Variants in OPHN1 observed in about 807,000 individuals in gnomAD.
OPHN1 encodes oligophrenin 1.
In OPHN1, 11 loss-of-function variants were observed where a neutral mutation model predicts 60.7. That is an observed-to-expected ratio of 0.18 (90% CI 0.11 to 0.30). OPHN1 has a LOEUF of 0.30. OPHN1 is among the 10% of genes least tolerant of loss of function. The probability of loss-of-function intolerance (pLI) is 1.00; values close to 1 mark genes in which losing one functional copy is unlikely to be tolerated. For missense variants in OPHN1, 449 were observed against 611.0 expected, an observed-to-expected ratio of 0.73 and a Z score of 2.80; for synonymous variants, 226 against 222.6, an observed-to-expected ratio of 1.02 and a Z score of -0.14.
At chrX:68,403,173 A>G (rs1180926390) in intron 2 of OPHN1, among the ~76,000 whole-genome samples, 1 of 112,413 alleles carries the variant, frequency 8.9e-6, no homozygotes, top group African/African-American at 3.2e-5. Context: ...GAAAAGCAGC[A>G]CAGCTGCCAA....
At position 68,394,073 on chromosome X, in the gene OPHN1, TTTTAGTAGAGACGGGG is replaced by T. The variant is rs1481586161; in HGVS notation, c.154+38778_154+38793del. 9.4e-5 allele frequency among the ~76,000 whole-genome samples: 10 copies of T among 106,657 alleles called. No homozygotes were observed. In the East Asian group the frequency reaches 3.0e-3, roughly 32 times the overall value. The allele number at this position is 106,657 out of a possible 115,157, so 92.6% of individuals were successfully genotyped here. A position where few individuals can be genotyped will look rare whatever the true frequency, so the allele number is the denominator to read the frequency against. On this transcript the variant is annotated intron_variant, in intron 2 of 24. Transcript: ENST00000355520. ...ACCACGCCCGGCTAATTTTTTGTAT[TTTTAGTAGAGACGGGG>T]TTTCACCGTGTTCGCCAGGATGGTC...
intron 15 of OPHN1, among the ~76,000 whole-genome samples, chrX:68,182,584 A>G (rs764775442): frequency 9.0e-6 from 1 of 111,644 alleles, no homozygotes; most frequent in South Asian, 3.8e-4. Flanking sequence ...GAATGGGCCT[A>G]GGGAACTCCA....
At chrX:68,163,646 C>T (rs757027035) in intron 15 of OPHN1, among the ~76,000 whole-genome samples, 24 of 111,128 alleles carry the variant, frequency 2.2e-4, no homozygotes, top group East Asian at 2.8e-4. Flanking sequence ...TTTTTAATTT[C>T]TTTAGAAATG....
At chrX:68,069,313 C>T (rs2076924498) in intron 20 of OPHN1, among the ~76,000 whole-genome samples, 1 of 111,160 alleles carries the variant, frequency 9.0e-6, no homozygotes, top group South Asian at 3.8e-4. Flanking sequence ...TGTGCCCATG[C>T]TTTGGATATA....
intron 19 of OPHN1, among the ~76,000 whole-genome samples, chrX:68,088,327 G>A (rs2077003089): frequency 9.0e-6 from 1 of 111,398 alleles, no homozygotes; most frequent in Non-Finnish European, 1.9e-5. Context: ...GTTGTCTTGG[G>A]AAGAAAATAT....
intron 18 of OPHN1, among the ~76,000 whole-genome samples, chrX:68,104,402 T>TGACA (rs1249513074): frequency 1.8e-5 from 2 of 111,775 alleles, no homozygotes; most frequent in Admixed American, 1.9e-4. Context: ...TCATGCTACC[T>TGACA]GACATCAAAC....
chrX:68,278,818 G>A (rs1315195836), intron 4 of OPHN1, among the ~76,000 whole-genome samples: 3 of 111,571 alleles, frequency 2.7e-5, no homozygotes, highest in Admixed American at 9.5e-5. Context: ...CCCAGGAGGC[G>A]GAGGCTGCAG....
intron 19 of OPHN1, among the ~76,000 whole-genome samples, chrX:68,085,825 C>T (rs2076992966): frequency 1.8e-5 from 2 of 111,850 alleles, no homozygotes; most frequent in Admixed American, 1.9e-4. Context: ...CTTGTGTATC[C>T]ATGAAAGGAC....
intron 15 of OPHN1, among the ~76,000 whole-genome samples, chrX:68,174,271 T>G (rs970554686): frequency 9.0e-6 from 1 of 110,689 alleles, no homozygotes; most frequent in Non-Finnish European, 1.9e-5. Flanking sequence ...CAAGAAAAAT[T>G]TAAATGAGAG....
intron 5 of OPHN1, among the ~76,000 whole-genome samples, chrX:68,270,715 GT>G (rs1426964899): frequency 9.2e-6 from 1 of 109,171 alleles, no homozygotes; most frequent in African/African-American, 3.4e-5. Flanking sequence ...TTGTGCACAT[GT>G]ACCCTAGAAC....
chrX:68,227,478 T>G (rs2077701521), intron 6 of OPHN1, among the ~76,000 whole-genome samples: 1 of 111,078 alleles, frequency 9.0e-6, no homozygotes, highest in Non-Finnish European at 1.9e-5. Flanking sequence ...CACATCGCAC[T>G]TATTAAAAAT....
chrX:68,079,676 A>T (rs1256486340), intron 19 of OPHN1, among the ~76,000 whole-genome samples: 1 of 111,543 alleles, frequency 9.0e-6, no homozygotes, highest in African/African-American at 3.3e-5. Flanking sequence ...AAGTTTCTCT[A>T]CTGGTTTCTA....
At chrX:68,250,636 C>T (rs1381702026) in intron 5 of OPHN1, among the ~76,000 whole-genome samples, 2 of 111,548 alleles carry the variant, frequency 1.8e-5, no homozygotes, top group Non-Finnish European at 3.8e-5. Context: ...GCTGTTGTTC[C>T]TTGTTCGTGT....
chrX:68,348,946 G>A (rs1025321843), intron 2 of OPHN1, among the ~76,000 whole-genome samples: 1 of 111,460 alleles, frequency 9.0e-6, no homozygotes, highest in Non-Finnish European at 1.9e-5. Context: ...GTGTGGAGGG[G>A]AGAAATAGAA....
intron 2 of OPHN1, among the ~76,000 whole-genome samples, chrX:68,338,327 G>C: frequency 8.9e-6 from 1 of 111,825 alleles, no homozygotes; most frequent in Non-Finnish European, 1.9e-5. Context: ...AAATTATCCA[G>C]GATAGATTAT....
At chrX:68,388,241 C>T (rs772689313) in intron 2 of OPHN1, among the ~76,000 whole-genome samples, 1 of 105,727 alleles carries the variant, frequency 9.5e-6, no homozygotes, top group East Asian at 2.9e-4. Flanking sequence ...GGGTGGATCA[C>T]TTGAGGTCAG....
intron 6 of OPHN1, among the ~76,000 whole-genome samples, chrX:68,221,753 CT>C: frequency 1.0e-5 from 1 of 96,657 alleles, no homozygotes; most frequent in African/African-American, 3.6e-5. Flanking sequence ...GGATCCCTTC[CT>C]TACACCTTAT....
intron 19 of OPHN1, among the ~76,000 whole-genome samples, chrX:68,087,444 G>A (rs746604308): frequency 9.0e-6 from 1 of 111,658 alleles, no homozygotes; most frequent in African/African-American, 3.3e-5. Context: ...ATTGGGAAGA[G>A]GGTTAATGAA....
At chrX:68,305,665 T>C (rs1308617933) in intron 2 of OPHN1, among the ~76,000 whole-genome samples, 1 of 112,542 alleles carries the variant, frequency 8.9e-6, no homozygotes, top group Non-Finnish European at 1.9e-5. Context: ...TGGAAGGCTA[T>C]TGGTTCAAAG....
Sources: allele counts gnomAD v4.1 joint callset (sites outside exome capture counted in the v4.1 genomes callset), GRCh38; gene constraint gnomAD v4.1.1; transcripts MANE v1.5; gene names NCBI Gene and HGNC (gene_info 2026-07-23, HGNC 2026-07-21).